The following CCDC40 variants were observed in gnomAD, a reference collection of about 807,000 sequenced individuals.
The protein encoded by CCDC40 is coiled-coil domain-containing protein 40.
CCDC40 carries 104 observed loss-of-function variants against 124.5 expected under a neutral mutation model. The observed-to-expected ratio is 0.84, with a 90% confidence interval of 0.71 to 0.98. CCDC40 has a LOEUF of 0.98. Ranked by LOEUF, CCDC40 falls within the 50% of genes least tolerant of loss-of-function variation. The pLI is 0.00. For synonymous variants in CCDC40, 580 were observed against 602.9 expected, an observed-to-expected ratio of 0.96 and a Z score of 0.56; for missense variants, 1,463 against 1,503.9, an observed-to-expected ratio of 0.97 and a Z score of 0.45.
At position 80,039,860 on chromosome 17, in the gene CCDC40, G is replaced by A. The variant is rs2289526; in HGVS notation, c.142G>A (p.Gly48Ser). Residue 48 changes from glycine to serine, a missense_variant, in exon 3 of 20, where the codon GGT (glycine) becomes AGT (serine). Gly to Ser is a moderately conservative substitution (Grantham distance 56, BLOSUM62 0). Transcript: ENST00000397545. The part of the protein sequence containing the change: ...DDGQKGEEAV[G>S]STEHPEEVTT... The stretch of plus-strand genomic sequence containing the variant: ...TGGCCAGAAAGGTGAAGAAGCTGTC[G>A]GTAGCACAGAGCATCCTGAGGAAGT... 60 of 1,613,750 alleles carry A rather than the reference G, an allele frequency of 3.7e-5. No individual in the cohort carries two copies. In the East Asian group the frequency reaches 9.6e-4, roughly 26 times the overall value.
At chr17:80,090,280 C>A (rs1256300389) in intron 17 of CCDC40, 4 of 1,301,740 alleles carry the variant, frequency 3.1e-6, no homozygotes, top group Non-Finnish European at 4.1e-6. Flanking sequence ...CGTGCACGAA[C>A]AACACGGGAC....
chr17:80,099,806 T>A lies in CCDC40; in HGVS notation c.*31T>A. The A allele has an allele frequency of 1.2e-6, 2 of 1,609,422 alleles. No homozygotes were observed. Among genetic ancestry groups the A allele is most frequent in the South Asian group, 2.2e-5 (2 of 90,984 alleles). On this transcript the variant is annotated 3_prime_UTR_variant, in exon 20 of 20. Transcript: ENST00000397545. ...AGCCTGGACTCCGCCTTGCAAGGCC[T>A]CCAGGAAGAGATCCGGAATTGTGTT...
chr17:80,053,632 G>A (rs1325650454), intron 7 of CCDC40, among the ~76,000 whole-genome samples: 6 of 152,028 alleles, frequency 3.9e-5, no homozygotes, highest in Admixed American at 1.3e-4. Flanking sequence ...TCTCTCTGTC[G>A]CCCAGGCTGG....
chr17:80,069,899 C>T (rs551354954), intron 10 of CCDC40, among the ~76,000 whole-genome samples: 6 of 152,354 alleles, frequency 3.9e-5, no homozygotes, highest in South Asian at 2.1e-4. Flanking sequence ...ATGGCAGAGA[C>T]GACTCCTCAA....
intron 16 of CCDC40, chr17:80,089,434 G>A (rs1487069531): frequency 5.8e-6 from 2 of 346,122 alleles, no homozygotes; most frequent in Non-Finnish European, 1.1e-5. Context: ...GTGTATTCAG[G>A]CTTTTTACTT....
chr17:80,040,765 C>T (rs536210952), intron 3 of CCDC40, among the ~76,000 whole-genome samples: 1 of 152,186 alleles, frequency 6.6e-6, no homozygotes, highest in Non-Finnish European at 1.5e-5. Flanking sequence ...CTGGACTCTG[C>T]TTCAGTCTGC....
At chr17:80,092,648 T>A (rs1423125653) in intron 17 of CCDC40, among the ~76,000 whole-genome samples, 2 of 152,216 alleles carry the variant, frequency 1.3e-5, no homozygotes, top group Non-Finnish European at 2.9e-5. Flanking sequence ...TTTCGCTCTG[T>A]CACCCGGGCT....
At chr17:80,051,387 T>C in intron 7 of CCDC40, 2 of 542,694 alleles carry the variant, frequency 3.7e-6, no homozygotes, top group Non-Finnish European at 4.7e-6. Context: ...CCTAGCACTT[T>C]GGGAGGCCGA....
chr17:80,040,418 C>T, intron 3 of CCDC40, 148 bp downstream of exon 3: 2 of 818,012 alleles, frequency 2.4e-6, no homozygotes, highest in Non-Finnish European at 3.9e-6. Context: ...GTGGCTCACG[C>T]CTGTAATCCC....
At chr17:80,037,832 T>G (rs966304331) in intron 1 of CCDC40, 9 of 350,870 alleles carry the variant, frequency 2.6e-5, no homozygotes, top group African/African-American at 1.9e-4. Context: ...CAGACACAAG[T>G]TATATTTGAG....
intron 10 of CCDC40, among the ~76,000 whole-genome samples, chr17:80,072,370 C>A (rs1244224780): frequency 2.0e-5 from 3 of 152,104 alleles, no homozygotes; most frequent in African/African-American, 7.2e-5. Context: ...CTTTTTGTGA[C>A]AAGAAGACTC....
At chr17:80,057,657 A>ACT (rs2037784060) in intron 7 of CCDC40, among the ~76,000 whole-genome samples, 1 of 151,826 alleles carries the variant, frequency 6.6e-6, no homozygotes, top group Admixed American at 6.6e-5. Flanking sequence ...TGGGTGGATC[A>ACT]GGAGGTTAGG....
chr17:80,088,136 G>A, intron 16 of CCDC40, 34 bp downstream of exon 16: 1 of 1,449,288 alleles, frequency 6.9e-7, no homozygotes, highest in Non-Finnish European at 9.7e-7. Context: ...CGTGGGTCAT[G>A]AAGGTCACTG....
At chr17:80,090,336 TGCACGAACAAGGGACGCG>T in intron 17 of CCDC40, 2 of 651,220 alleles carry the variant, frequency 3.1e-6, no homozygotes, top group Non-Finnish European at 2.3e-6. Flanking sequence ...CGCAGGCACG[TGCACGAACAAGGGACGCG>T]CGCAGGCACG....
chr17:80,072,923 G>A (rs1008559963), intron 10 of CCDC40, among the ~76,000 whole-genome samples: 11 of 151,706 alleles, frequency 7.3e-5, no homozygotes, highest in African/African-American at 2.4e-4. Flanking sequence ...CGTTTCTCCC[G>A]GGTAAATACA....
Position 80,044,701 on chromosome 17 carries a change from ACAAACAAAAAAAAAAATATAT to A in CCDC40, c.553-2577_553-2557del, listed in dbSNP as rs775428778. Among the ~76,000 whole-genome samples, 128 of 44,868 alleles carry A rather than the reference ACAAACAAAAAAAAAAATATAT, an allele frequency of 2.9e-3. 12 individuals are homozygous for A. Among genetic ancestry groups the A allele is most frequent in the African/African-American group, 0.01 (115 of 11,310 alleles). 29.4% of individuals were successfully genotyped at this position (44,868 alleles called of 152,430 possible). ...CCATCTCAAAAACAAAACAAAACAA[ACAAACAAAAAAAAAAATATAT>A]ATATATATATATATATCTCAACAAC... On this transcript the variant is annotated intron_variant, in intron 3 of 19. Transcript: ENST00000397545.
chr17:80,062,317 A>T (rs563181887), intron 9 of CCDC40, among the ~76,000 whole-genome samples: 3 of 152,170 alleles, frequency 2.0e-5, no homozygotes, highest in African/African-American at 7.2e-5. Flanking sequence ...TTTTTTTTAA[A>T]TTATACTTTA....
chr17:80,084,861 A>G lies in CCDC40; in HGVS notation c.2108A>G (p.Lys703Arg). 1 of 1,614,190 alleles carries G rather than the reference A, an allele frequency of 6.2e-7. No homozygotes were observed. Among genetic ancestry groups the G allele is most frequent in the Non-Finnish European group, 8.5e-7 (1 of 1,180,038 alleles). Reference sequence around the variant, plus strand: ...CTGGTGGAGCTGGACCAGGACGTGAAGAAAGTCAACGAGCTCATCACCAAC... The same window carrying G: ...CTGGTGGAGCTGGACCAGGACGTGAGGAAAGTCAACGAGCTCATCACCAAC... ...KTLVELDQDV[K>R]KVNELITNSQ... is the part of the protein sequence containing the mutation. The change falls in exon 13 of 20, where the codon AAG becomes AGG. Residue 703 changes from lysine to arginine, a missense_variant. By Grantham distance (26) the Lys-to-Arg change is conservative. Coordinates refer to ENST00000397545, the MANE Select transcript of CCDC40 (RefSeq NM_017950.4).
At chr17:80,067,449 C>T (rs1319184398) in intron 10 of CCDC40, 11 of 746,054 alleles carry the variant, frequency 1.5e-5, no homozygotes, top group Non-Finnish European at 2.5e-5. Context: ...TCTCTTGCTC[C>T]GTGGGAGCAC....
Sources: allele counts gnomAD v4.1 joint callset (sites outside exome capture counted in the v4.1 genomes callset), GRCh38; gene constraint gnomAD v4.1.1; transcripts MANE v1.5; gene names NCBI Gene and HGNC (gene_info 2026-07-23, HGNC 2026-07-21).